The following CDIP1 variants were observed in gnomAD, a reference collection of about 807,000 sequenced individuals.
CDIP1 encodes the protein cell death-inducing p53-target protein 1.
CDIP1 carries 9 observed loss-of-function variants against 17.7 expected under a neutral mutation model. That is an observed-to-expected ratio of 0.51 (90% CI 0.31 to 0.89). The LOEUF is 0.89. Among genes scored for constraint, CDIP1 ranks in the 40% least tolerant of loss-of-function variants. The pLI, the probability that CDIP1 is intolerant of heterozygous loss-of-function variation, is 0.05. For synonymous variants in CDIP1, 117 were observed against 109.5 expected, an observed-to-expected ratio of 1.07 and a Z score of -0.43; for missense variants, 263 against 277.9, an observed-to-expected ratio of 0.95 and a Z score of 0.38.
At chr16:4,538,104 G>A (rs919962486) in intron 1 of CDIP1, among the ~76,000 whole-genome samples, 2 of 152,142 alleles carry the variant, frequency 1.3e-5, no homozygotes, top group Admixed American at 1.3e-4. Context: ...CGCCCTGCAA[G>A]ACGGAGATGG....
At chr16:4,534,731 T>C (rs1262516311) in intron 1 of CDIP1, among the ~76,000 whole-genome samples, 1 of 151,180 alleles carries the variant, frequency 6.6e-6, no homozygotes, top group East Asian at 1.9e-4. Flanking sequence ...GTTTGTTTGA[T>C]TTTTTGAGAT....
intron 1 of CDIP1, among the ~76,000 whole-genome samples, chr16:4,519,532 C>T (rs1174520476): frequency 1.3e-5 from 2 of 152,348 alleles, no homozygotes; most frequent in Admixed American, 6.5e-5. Flanking sequence ...CCTCTCCCCG[C>T]GGCCCTTCCA....
Position 4,513,239 on chromosome 16 carries a change from C to T in CDIP1, c.242-175G>A, listed in dbSNP as rs2058852178. ...AGGCCTTACAGCTGGGGCCCTAAGT[C>T]AAGTGGGGCCACATTCTCCCAGCCC... On this transcript the variant is annotated intron_variant, in intron 4 of 5. Coordinates refer to ENST00000567695, the MANE Select transcript of CDIP1 (RefSeq NM_013399.3). This position sits in a 1 kb window ranked among gnomAD's most constrained non-coding sequence, Gnocchi z 4.1. 1.3e-5 allele frequency among the ~76,000 whole-genome samples: 2 copies of T among 152,188 alleles called. No individual in the cohort carries two copies. The highest frequency in any genetic ancestry group is 4.8e-5 in the African/African-American group (2 of 41,446).
rs1209861576 is a variant in CDIP1, at chr16:4,510,921, A to C, written c.*1651T>G. The C allele has an allele frequency of 6.6e-6, 1 of 152,276 alleles. No homozygotes were observed. The highest frequency in any genetic ancestry group is 2.4e-5 in the African/African-American group (1 of 41,458). 9.4% of individuals were successfully genotyped at this position (152,276 alleles called of 1,614,324 possible). A position where few individuals can be genotyped will look rare whatever the true frequency, so the allele number is the denominator to read the frequency against. The stretch of plus-strand genomic sequence containing the variant: ...GTCTTCTGCCTGTCAGCCTCAGCCC[A>C]GTCTGTGTTGCTTAAGGGTGCGCCT... On this transcript the variant is annotated 3_prime_UTR_variant, in exon 6 of 6. Coordinates refer to ENST00000567695, the MANE Select transcript of CDIP1 (RefSeq NM_013399.3).
intron 1 of CDIP1, among the ~76,000 whole-genome samples, chr16:4,517,944 A>AACTCCCAG (rs551399850): frequency 2.4e-4 from 37 of 152,166 alleles, no homozygotes; most frequent in Non-Finnish European, 4.9e-4. Flanking sequence ...CCCTGCTACA[A>AACTCCCAG]ACTCCCAGAC....
intron 1 of CDIP1, among the ~76,000 whole-genome samples, chr16:4,523,127 G>T (rs1048863034): frequency 4.6e-5 from 7 of 152,184 alleles, no homozygotes; most frequent in African/African-American, 1.7e-4. Context: ...AGGTGACCAC[G>T]TAACAGAGGC....
At chr16:4,531,015 G>T (rs2059051473) in intron 1 of CDIP1, among the ~76,000 whole-genome samples, 1 of 151,690 alleles carries the variant, frequency 6.6e-6, no homozygotes, top group Non-Finnish European at 1.5e-5. Context: ...GTCATGATTG[G>T]GACTGCCATC....
At chr16:4,521,726 G>A (rs987485536) in intron 1 of CDIP1, among the ~76,000 whole-genome samples, 11 of 148,742 alleles carry the variant, frequency 7.4e-5, no homozygotes, top group African/African-American at 2.2e-4. Context: ...AAAAAAAGGC[G>A]GGGGGGCCCG....
chr16:4,516,256 G>A (rs1054155856), intron 1 of CDIP1, among the ~76,000 whole-genome samples: 5 of 152,160 alleles, frequency 3.3e-5, no homozygotes, highest in Non-Finnish European at 7.3e-5. Flanking sequence ...AGCTGTTTAG[G>A]TCTGGGGGAG....
chr16:4,516,698 C>CTT (rs767463500), intron 1 of CDIP1, among the ~76,000 whole-genome samples: 3,624 of 78,212 alleles, frequency 0.046, 27 homozygotes, highest in Middle Eastern at 0.08. Flanking sequence ...GTTTTAAATC[C>CTT]TTTTTTTTTT....
chr16:4,537,994 A>G (rs2059127477), intron 1 of CDIP1, among the ~76,000 whole-genome samples: 1 of 152,200 alleles, frequency 6.6e-6, no homozygotes, highest in Admixed American at 6.5e-5. Flanking sequence ...GGGACGGCCA[A>G]GGTCACCCGC....
chr16:4,528,791 C>A (rs754637505), intron 1 of CDIP1, among the ~76,000 whole-genome samples: 59 of 151,424 alleles, frequency 3.9e-4, no homozygotes, highest in Non-Finnish European at 7.6e-4. Context: ...GAGTTCGAGA[C>A]CAGCCTGGCC....
In CDIP1 at chr16:4,512,517, A is replaced by G. The variant is rs780609022; in HGVS notation, c.*55T>C. 3 of 1,304,434 alleles carry G rather than the reference A, an allele frequency of 2.3e-6. No homozygotes were observed. Among genetic ancestry groups the G allele is most frequent in the South Asian group, 1.2e-5 (1 of 84,586 alleles). 80.8% of individuals were successfully genotyped at this position (1,304,434 alleles called of 1,614,324 possible). A position where few individuals can be genotyped will look rare whatever the true frequency, so the allele number is the denominator to read the frequency against. On this transcript the variant is annotated 3_prime_UTR_variant, in exon 6 of 6. Transcript: ENST00000567695. This position sits in a 1 kb window ranked among gnomAD's most constrained non-coding sequence, Gnocchi z 4.6. ...GGGAAAGTGACCACTGAGCACAGGG[A>G]GCAAAGCACAGGGGGCCAGACTGAC... is the stretch of plus-strand genomic sequence containing the variant.
At chr16:4,520,941 G>A (rs1174158433) in intron 1 of CDIP1, among the ~76,000 whole-genome samples, 2 of 152,180 alleles carry the variant, frequency 1.3e-5, no homozygotes, top group Admixed American at 6.5e-5. Flanking sequence ...ATGAATGCAC[G>A]TGTGCTTTTC....
Position 4,513,882 on chromosome 16 carries a change from G to A in CDIP1, c.86-31C>T. The A allele has an allele frequency of 3.9e-6, 6 of 1,534,900 alleles. No individual in the cohort carries two copies. The South Asian group carries it at 7.7e-5, about 20-fold the overall frequency. On this transcript the variant is annotated intron_variant, in intron 3 of 5. Transcript: ENST00000567695. The surrounding 1 kb of genome is among the most constrained non-coding windows in gnomAD (Gnocchi z 4.1). ...CAGAGAGAGGCAGAAAGAGGAGACT[G>A]AGCTGGAGCCTCTGCACGATGAGCT...
At chr16:4,522,763 C>T in intron 1 of CDIP1, among the ~76,000 whole-genome samples, 1 of 152,182 alleles carries the variant, frequency 6.6e-6, no homozygotes, top group East Asian at 1.9e-4. Context: ...GCTCTCAGTC[C>T]AGATAGCAGC....
intron 1 of CDIP1, among the ~76,000 whole-genome samples, chr16:4,524,641 T>A (rs971031705): frequency 1.2e-4 from 19 of 152,198 alleles, no homozygotes; most frequent in African/African-American, 4.1e-4. Flanking sequence ...TAGCTGTGCT[T>A]CACCATGAGG....
Position 4,514,495 on chromosome 16 carries a change from A to G in CDIP1, c.-15+80T>C, listed in dbSNP as rs569929732. 6.5e-5 allele frequency: 16 copies of G among 244,922 alleles called. No individual in the cohort carries two copies. The Admixed American group carries it at 6.9e-4, about 10-fold the overall frequency. The allele number at this position is 244,922 out of a possible 1,614,324, so 15.2% of individuals were successfully genotyped here. A position where few individuals can be genotyped will look rare whatever the true frequency, so the allele number is the denominator to read the frequency against. ...TCCCCTCCCCAAACGTTTAGCGGGC[A>G]CTAAGGCAGTCGGAGGAGACACTGG... On this transcript the variant is annotated intron_variant, in intron 2 of 5. Coordinates refer to ENST00000567695, the MANE Select transcript of CDIP1 (RefSeq NM_013399.3). The surrounding 1 kb of genome is among the most constrained non-coding windows in gnomAD (Gnocchi z 5.2).
Position 4,511,066 on chromosome 16 carries a change from C to T in CDIP1, c.*1506G>A, listed in dbSNP as rs1360704922. ...CCAGCATCAGAGGAAGGAAGGTGAC[C>T]TTACAGCCACTGCCGAGACCAACGT... is the stretch of plus-strand genomic sequence containing the variant. On this transcript the variant is annotated 3_prime_UTR_variant, in exon 6 of 6. Transcript: ENST00000567695. The T allele has an allele frequency of 6.6e-6, 1 of 152,248 alleles. No homozygotes were observed. Among genetic ancestry groups the T allele is most frequent in the East Asian group, 1.9e-4 (1 of 5,206 alleles). The allele number at this position is 152,248 out of a possible 1,614,324, so 9.4% of individuals were successfully genotyped here. A position where few individuals can be genotyped will look rare whatever the true frequency, so the allele number is the denominator to read the frequency against.
Sources: gnomAD v4.1 joint callset for allele counts (sites outside exome capture counted in the v4.1 genomes callset) on GRCh38, gnomAD v4.1.1 for gene constraint, Gnocchi (gnomAD v3.1) non-coding constraint, MANE v1.5 for transcripts, NCBI Gene and HGNC (gene_info 2026-07-23, HGNC 2026-07-21) for gene names.